The following NTM variants were observed in gnomAD, a reference collection of about 807,000 sequenced individuals.
NTM encodes neurotrimin.
Under a neutral mutation model 42.1 loss-of-function variants are expected in NTM, and 13 were observed. That is an observed-to-expected ratio of 0.31 (90% CI 0.20 to 0.49). NTM has a LOEUF of 0.49. Ranked by LOEUF, NTM falls within the 20% of genes least tolerant of loss-of-function variation. The pLI is 0.99. For synonymous variants in NTM, 187 were observed against 179.2 expected (o/e 1.04, Z -0.35); for missense variants, 373 against 452.8 (o/e 0.82, Z 1.60).
rs188447072 is a variant in NTM, at chr11:131,842,872, G to A, written c.83-68692G>A. Among the ~76,000 whole-genome samples the A allele has an allele frequency of 3.4e-4, 51 of 152,098 alleles. No individual in the cohort carries two copies. The East Asian group carries it at 7.6e-3, about 23-fold the overall frequency. On this transcript the variant is annotated intron_variant, in intron 1 of 8. Transcript: ENST00000683400. ...CTAAAAATACAAAATTTAGTCGGGC[G>A]TGGTGCCGCATGCCTGTAATCCCAG...
chr11:131,454,371 G>A (rs778911554), intron 1 of NTM, among the ~76,000 whole-genome samples: 2 of 152,120 alleles, frequency 1.3e-5, no homozygotes, highest in Non-Finnish European at 2.9e-5. Context: ...CTTGAGTAAG[G>A]GGGGACTACT....
At chr11:132,328,818 C>A (rs112648537) in intron 7 of NTM, among the ~76,000 whole-genome samples, 1 of 152,110 alleles carries the variant, frequency 6.6e-6, no homozygotes, top group Non-Finnish European at 1.5e-5. Context: ...GCCCCTCCCC[C>A]TCCTTAGCTT....
chr11:132,216,654 A>C (rs1218488594), intron 4 of NTM, among the ~76,000 whole-genome samples: 1 of 152,198 alleles, frequency 6.6e-6, no homozygotes, highest in Non-Finnish European at 1.5e-5. Context: ...CAGAGTTTGC[A>C]TCTCACTTCT....
intron 1 of NTM, among the ~76,000 whole-genome samples, chr11:131,566,210 A>G (rs1204132383): frequency 1.3e-5 from 2 of 152,194 alleles, no homozygotes; most frequent in Non-Finnish European, 2.9e-5. Context: ...TTAAACATTT[A>G]GGGGACTCCT....
rs1227961361 is a variant in NTM, at chr11:131,723,684, A to C, written c.83-187880A>C. On this transcript the variant is annotated intron_variant, in intron 1 of 8. Coordinates refer to ENST00000683400, the MANE Select transcript of NTM (RefSeq NM_001352005.2). ...CTCCCAAGCATCTAAGAAAACAGACACTAAACTTGATGGGAAATATAACTA... is the reference window on the plus strand; with the variant it reads ...CTCCCAAGCATCTAAGAAAACAGACCCTAAACTTGATGGGAAATATAACTA... Among the ~76,000 whole-genome samples the C allele has an allele frequency of 2.6e-5, 4 of 152,206 alleles. No individual in the cohort carries two copies. The East Asian group carries it at 7.7e-4, about 29-fold the overall frequency.
chr11:131,851,083 C>T (rs1236346416), intron 1 of NTM, among the ~76,000 whole-genome samples: 1 of 152,070 alleles, frequency 6.6e-6, no homozygotes, highest in East Asian at 1.9e-4. Context: ...CATGGGGAAC[C>T]AAAATTTGTC....
chr11:131,737,201 C>T (rs2080580007), intron 1 of NTM, among the ~76,000 whole-genome samples: 2 of 152,138 alleles, frequency 1.3e-5, no homozygotes, highest in African/African-American at 4.8e-5. Context: ...GAGAATTGGT[C>T]TTGTGAGGTG....
intron 4 of NTM, 71 bp from the exon 5 acceptor site, chr11:132,307,618 T>C (rs2095135718): frequency 6.3e-7 from 1 of 1,594,324 alleles, no homozygotes; most frequent in East Asian, 2.2e-5. Context: ...TTTTATACTT[T>C]GTTTTCTAAG....
chr11:131,637,110 C>T (rs1233313173), intron 1 of NTM, among the ~76,000 whole-genome samples: 1 of 152,076 alleles, frequency 6.6e-6, no homozygotes, highest in Non-Finnish European at 1.5e-5. Flanking sequence ...CCTGGGTACA[C>T]AAGCTGTCTA....
chr11:132,272,420 G>C (rs2093525603), intron 4 of NTM, among the ~76,000 whole-genome samples: 1 of 152,070 alleles, frequency 6.6e-6, no homozygotes, highest in African/African-American at 2.4e-5. Flanking sequence ...AAAGAAGCCA[G>C]CTGTTATTTT....
At chr11:131,699,820 T>C (rs1471678520) in intron 1 of NTM, among the ~76,000 whole-genome samples, 1 of 151,936 alleles carries the variant, frequency 6.6e-6, no homozygotes. Flanking sequence ...ACCAGGTCCC[T>C]CCCACTACAC....
At chr11:132,025,007 C>T (rs1473844148) in intron 2 of NTM, among the ~76,000 whole-genome samples, 1 of 152,148 alleles carries the variant, frequency 6.6e-6, no homozygotes, top group African/African-American at 2.4e-5. Context: ...TGCACAGACC[C>T]ACAGAATGTC....
intron 4 of NTM, among the ~76,000 whole-genome samples, chr11:132,282,042 T>G (rs2139848204): frequency 6.6e-6 from 1 of 152,346 alleles, no homozygotes; most frequent in African/African-American, 2.4e-5. Context: ...GCCAGGCCTT[T>G]ATGTAACTAG....
intron 1 of NTM, among the ~76,000 whole-genome samples, chr11:131,701,921 T>C (rs2076113098): frequency 1.3e-5 from 2 of 152,138 alleles, no homozygotes; most frequent in African/African-American, 4.8e-5. Flanking sequence ...ATGATGGCAA[T>C]AGCAGAGCAT....
intron 4 of NTM, among the ~76,000 whole-genome samples, chr11:132,304,395 T>A (rs890699427): frequency 2.0e-5 from 3 of 151,680 alleles, no homozygotes; most frequent in Non-Finnish European, 4.4e-5. Flanking sequence ...CCTTCAGCAC[T>A]TTAAAGACTA....
intron 1 of NTM, among the ~76,000 whole-genome samples, chr11:131,727,001 C>T (rs535186826): frequency 6.6e-6 from 1 of 151,510 alleles, no homozygotes; most frequent in East Asian, 1.9e-4. Context: ...TGCCATTGCT[C>T]TTGAAGCTGA....
intron 1 of NTM, among the ~76,000 whole-genome samples, chr11:131,781,761 T>C (rs1172803999): frequency 1.3e-5 from 2 of 152,094 alleles, no homozygotes; most frequent in Non-Finnish European, 2.9e-5. Context: ...CTTGAGGAAA[T>C]AAAACAGATG....
chr11:132,316,512 T>C lies in NTM; in HGVS notation c.934+1809T>C, dbSNP rs185356573. Among the ~76,000 whole-genome samples the C allele has an allele frequency of 2.3e-4, 35 of 152,322 alleles. 1 individual carries two copies. Among genetic ancestry groups the C allele is most frequent in the African/African-American group, 7.9e-4 (33 of 41,582 alleles). On this transcript the variant is annotated intron_variant, in intron 7 of 8. Coordinates refer to ENST00000683400, the MANE Select transcript of NTM (RefSeq NM_001352005.2). Reference sequence around the variant, plus strand: ...AAAAGTAGTAGTATGTATTCAAATATGTTTAGAAAGAGTGGGTCACACCAA... The same window carrying C: ...AAAAGTAGTAGTATGTATTCAAATACGTTTAGAAAGAGTGGGTCACACCAA...
chr11:131,672,516 C>G (rs1334632364), intron 1 of NTM, among the ~76,000 whole-genome samples: 2 of 152,236 alleles, frequency 1.3e-5, no homozygotes, highest in Non-Finnish European at 2.9e-5. Context: ...CCTGGGATTC[C>G]AGGCCATTCT....
Sources: allele counts gnomAD v4.1 joint callset (sites outside exome capture counted in the v4.1 genomes callset), GRCh38; gene constraint gnomAD v4.1.1; transcripts MANE v1.5; gene names NCBI Gene and HGNC (gene_info 2026-07-23, HGNC 2026-07-21).